Variants in ARHGAP24 observed in about 807,000 individuals in gnomAD.
ARHGAP24 encodes rho GTPase-activating protein 24.
Under a neutral mutation model 76.4 loss-of-function variants are expected in ARHGAP24, and 50 were observed. The observed-to-expected ratio is 0.65, with a 90% CI of 0.52 to 0.83. The LOEUF (loss-of-function observed/expected upper bound fraction) is 0.83. ARHGAP24 is among the 40% of genes least tolerant of loss of function. The probability of loss-of-function intolerance (pLI) is 0.00; values close to 1 mark genes in which losing one functional copy is unlikely to be tolerated. For synonymous variants in ARHGAP24, 345 were observed against 323.3 expected, an observed-to-expected ratio of 1.07 and a Z score of -0.72; for missense variants, 930 against 914.2, an observed-to-expected ratio of 1.02 and a Z score of -0.22.
intron 5 of ARHGAP24, among the ~76,000 whole-genome samples, chr4:85,958,859 AT>A (rs1440053544): frequency 6.6e-6 from 1 of 152,076 alleles, no homozygotes; most frequent in Non-Finnish European, 1.5e-5. Flanking sequence ...CACTAATCTG[AT>A]TTCTGTCTCT....
rs1475896532 is a variant in ARHGAP24, at chr4:85,732,760, C to T, written c.268+10788C>T. ...CCAGGCTGGAGTGCAATGGTGTGAT[C>T]TCAGCTCACTGCAACCTCCACCTCC... On this transcript the variant is annotated intron_variant, in intron 3 of 9. Coordinates refer to ENST00000395184, the MANE Select transcript of ARHGAP24 (RefSeq NM_001025616.3). 4.1e-5 allele frequency among the ~76,000 whole-genome samples: 6 copies of T among 145,526 alleles called. No homozygotes were observed. The East Asian group carries it at 1.2e-3, about 30-fold the overall frequency.
intron 3 of ARHGAP24, among the ~76,000 whole-genome samples, chr4:85,812,942 G>A (rs1399098999): frequency 6.6e-6 from 1 of 152,126 alleles, no homozygotes; most frequent in Non-Finnish European, 1.5e-5. Context: ...ACCTATCTTA[G>A]AACTTGTTAC....
intron 2 of ARHGAP24, among the ~76,000 whole-genome samples, chr4:85,642,881 A>C (rs12506100): frequency 0.3 from 45,255 of 151,958 alleles, 8,152 homozygotes; most frequent in East Asian, 0.84. Context: ...AACAGAAGCT[A>C]TAAAGTCCCT....
At chr4:85,714,126 T>C (rs548761889) in intron 2 of ARHGAP24, among the ~76,000 whole-genome samples, 4 of 152,228 alleles carry the variant, frequency 2.6e-5, no homozygotes, top group African/African-American at 4.8e-5. Flanking sequence ...GGTAGCTAGA[T>C]TGGTGATGGC....
chr4:85,975,818 A>G (rs138725755), intron 7 of ARHGAP24: 2 of 152,320 alleles, frequency 1.3e-5, no homozygotes, highest in Non-Finnish European at 2.9e-5. Flanking sequence ...ATAAGCGTTC[A>G]AGGGACTAGG....
chr4:85,996,012 A>G (rs1381191199), intron 9 of ARHGAP24, among the ~76,000 whole-genome samples: 1 of 152,194 alleles, frequency 6.6e-6, no homozygotes, highest in Non-Finnish European at 1.5e-5. Flanking sequence ...TGGACAGAGC[A>G]TTAGGAGCCT....
chr4:85,836,668 A>G (rs569951255), intron 3 of ARHGAP24, among the ~76,000 whole-genome samples: 116 of 152,318 alleles, frequency 7.6e-4, no homozygotes, highest in Non-Finnish European at 1.0e-3. Context: ...TTTCCTGAGG[A>G]ACATAATTCA....
chr4:85,858,778 T>A (rs578036964), intron 3 of ARHGAP24, among the ~76,000 whole-genome samples: 1 of 152,086 alleles, frequency 6.6e-6, no homozygotes, highest in Non-Finnish European at 1.5e-5. Flanking sequence ...ACGGTAGTGA[T>A]AATGTGTCTG....
At chr4:85,877,620 A>T (rs1158197594) in intron 3 of ARHGAP24, among the ~76,000 whole-genome samples, 1 of 42,376 alleles carries the variant, frequency 2.4e-5, no homozygotes, top group Non-Finnish European at 4.9e-5. Flanking sequence ...GCAAGACATT[A>T]TCTTAATTAA....
At chr4:85,981,421 T>A (rs1284675101) in intron 8 of ARHGAP24, among the ~76,000 whole-genome samples, 1 of 152,180 alleles carries the variant, frequency 6.6e-6, no homozygotes, top group Non-Finnish European at 1.5e-5. Flanking sequence ...TATTAACAAA[T>A]CTATAGTATC....
intron 1 of ARHGAP24, among the ~76,000 whole-genome samples, chr4:85,525,257 C>CTTT (rs34087239): frequency 0.026 from 3,287 of 128,222 alleles, 164 homozygotes; most frequent in African/African-American, 0.09. Context: ...GTATTATCGG[C>CTTT]TTTTTTTTTT....
At chr4:85,806,710 T>C (rs1161670645) in intron 3 of ARHGAP24, among the ~76,000 whole-genome samples, 1 of 152,228 alleles carries the variant, frequency 6.6e-6, no homozygotes, top group African/African-American at 2.4e-5. Context: ...ATAATTATTA[T>C]TTTCATAAGT....
intron 1 of ARHGAP24, among the ~76,000 whole-genome samples, chr4:85,524,817 G>A (rs1249463162): frequency 6.6e-6 from 1 of 152,154 alleles, no homozygotes; most frequent in Non-Finnish European, 1.5e-5. Context: ...CCTAGGTGAT[G>A]CTTTCAGTGT....
chr4:85,591,031 GTTTTTTTTTTTT>G (rs35373441), intron 2 of ARHGAP24, among the ~76,000 whole-genome samples: 9 of 62,654 alleles, frequency 1.4e-4, no homozygotes, highest in African/African-American at 4.1e-4. Flanking sequence ...AATCTGCTGG[GTTTTTTTTTTTT>G]TTTTTTTTTT....
intron 5 of ARHGAP24, among the ~76,000 whole-genome samples, chr4:85,971,656 C>A (rs1412792126): frequency 6.6e-6 from 1 of 152,038 alleles, no homozygotes; most frequent in African/African-American, 2.4e-5. Flanking sequence ...TTTAAATGTG[C>A]AATAAATTAT....
intron 3 of ARHGAP24, among the ~76,000 whole-genome samples, chr4:85,810,896 A>G (rs959383817): frequency 6.6e-6 from 1 of 152,228 alleles, no homozygotes; most frequent in Non-Finnish European, 1.5e-5. Flanking sequence ...TGAAAGCAAC[A>G]TGTCCATTAA....
intron 1 of ARHGAP24, among the ~76,000 whole-genome samples, chr4:85,487,703 TTATATTATATAAATATATATTTATATTA>T (rs1723154969): frequency 9.9e-6 from 1 of 100,650 alleles, no homozygotes; most frequent in Non-Finnish European, 1.7e-5. Context: ...TATATATTTA[TTATATTATATAAATATATATTTATATTA>T]TATATTATAT....
chr4:85,611,060 T>C (rs1328698243), intron 2 of ARHGAP24, among the ~76,000 whole-genome samples: 1 of 152,162 alleles, frequency 6.6e-6, no homozygotes, highest in Non-Finnish European at 1.5e-5. Context: ...GATTTCATGG[T>C]AAATAATAAA....
At chr4:85,615,905 T>C (rs1005506696) in intron 2 of ARHGAP24, among the ~76,000 whole-genome samples, 3 of 152,248 alleles carry the variant, frequency 2.0e-5, no homozygotes, top group African/African-American at 7.2e-5. Flanking sequence ...GAGTATTGTT[T>C]ATATTATTTA....
Sources: allele counts gnomAD v4.1 joint callset (sites outside exome capture counted in the v4.1 genomes callset), GRCh38; gene constraint gnomAD v4.1.1; transcripts MANE v1.5; gene names NCBI Gene and HGNC (gene_info 2026-07-23, HGNC 2026-07-21).